ADAMTSL5: variants seen among roughly 807,000 people sequenced by gnomAD.
ADAMTSL5 encodes ADAMTS-like protein 5.
A neutral mutation model predicts 51.7 loss-of-function variants in ADAMTSL5; 53 were observed. That is an observed-to-expected ratio of 1.03 (90% CI 0.82 to 1.29). The LOEUF (loss-of-function observed/expected upper bound fraction) is 1.29, where lower values mean the gene tolerates loss of function less well. ADAMTSL5 is among the 50% of genes most tolerant of loss of function. The pLI, the probability that ADAMTSL5 is intolerant of heterozygous loss-of-function variation, is 0.00. For synonymous variants in ADAMTSL5, 285 were observed against 278.7 expected (o/e 1.02, Z -0.23); for missense variants, 770 against 676.2 (o/e 1.14, Z -1.54).
rs747542562 is a variant in ADAMTSL5, at chr19:1,508,057, C to T, written c.542G>A (p.Gly181Asp). 8 of 1,610,554 alleles carry T rather than the reference C, an allele frequency of 5.0e-6. No homozygotes were observed. The South Asian group carries it at 7.7e-5, about 16-fold the overall frequency. ...LGSGALEDRC[G>D]RCGGANDSCL... ...CGAGTCGTTGGCGCCTCCGCAGCGG[C>T]CACAGCGGTCCTCGAGGGCACCCGA... The change falls in exon 7 of 12, where the codon GGC becomes GAC. Residue 181 changes from glycine (G) to aspartate (D), a missense_variant. Gly to Asp is a moderately conservative substitution (Grantham distance 94). Coordinates refer to ENST00000330475, the MANE Select transcript of ADAMTSL5 (RefSeq NM_213604.3).
At chr19:1,508,998 A>G (rs1397932562) in intron 5 of ADAMTSL5, 1 of 153,308 alleles carries the variant, frequency 6.5e-6, no homozygotes, top group African/African-American at 2.4e-5. Flanking sequence ...TAATCCCAGC[A>G]CATTGGGAGG....
intron 1 of ADAMTSL5, among the ~76,000 whole-genome samples, chr19:1,512,570 C>T (rs1011101065): frequency 5.3e-5 from 8 of 152,202 alleles, no homozygotes; most frequent in African/African-American, 1.4e-4. Context: ...ATCCCAGCTA[C>T]TTGGGAGGCT....
intron 5 of ADAMTSL5, among the ~76,000 whole-genome samples, chr19:1,509,883 G>A (rs895809473): frequency 1.3e-5 from 2 of 152,150 alleles, no homozygotes; most frequent in Non-Finnish European, 2.9e-5. Context: ...CTGCTACTGG[G>A]ATAAGTTTGA....
intron 3 of ADAMTSL5, 95 bp from the exon 4 acceptor site, chr19:1,510,523 G>A: frequency 6.6e-7 from 1 of 1,504,752 alleles, no homozygotes; most frequent in South Asian, 1.3e-5. Context: ...CCGCATTCCA[G>A]CGGGATCAGG....
Position 1,511,131 on chromosome 19 carries a change from G to T in ADAMTSL5, c.-188C>A, listed in dbSNP as rs977392046. On this transcript the variant is annotated 5_prime_UTR_variant, in exon 2 of 12. Coordinates refer to ENST00000330475, the MANE Select transcript of ADAMTSL5 (RefSeq NM_213604.3). The stretch of plus-strand genomic sequence containing the variant: ...AAAGAAGACAGGAGACGTGGAGCCC[G>T]GTATGGAGAGGAAGAACTCAGAATG... 1 of 413,996 alleles carries T rather than the reference G, an allele frequency of 2.4e-6. No individual in the cohort carries two copies. The highest frequency in any genetic ancestry group is 2.1e-5 in the African/African-American group (1 of 48,708). The allele number at this position is 413,996 out of a possible 1,614,324, so 25.6% of individuals were successfully genotyped here. A position where few individuals can be genotyped will look rare whatever the true frequency, so the allele number is the denominator to read the frequency against.
At chr19:1,508,197 G>A in intron 6 of ADAMTSL5, 88 bp from the exon 7 acceptor site, 2 of 1,414,284 alleles carry the variant, frequency 1.4e-6, no homozygotes, top group South Asian at 1.3e-5. Context: ...AAGAGGACGA[G>A]GCCTGGAGGG....
rs1317084842 is a variant in ADAMTSL5, at chr19:1,506,778, G to C, written c.1003C>G (p.Pro335Ala). 9.1e-6 allele frequency: 14 copies of C among 1,542,936 alleles called. No homozygotes were observed. Among genetic ancestry groups the C allele is most frequent in the Admixed American group, 6.4e-5 (3 of 47,008 alleles). ...GGGGTCTGTGCAGGGGTGACAGCAG[G>C]GGCTGCGGGGGGCTGAGGCTCCACC... ...RGVEPQPPAA[P>A]AVTPAQTPTL... Residue 335 changes from proline (P) to alanine (A), a missense_variant, in exon 10 of 12, where the codon CCT becomes GCT. Physicochemically the swap from Pro to Ala is conservative, Grantham distance 27. Transcript: ENST00000330475. The surrounding 1 kb of genome is among the most constrained non-coding windows in gnomAD (Gnocchi z 5.6).
chr19:1,506,387 A>G lies in ADAMTSL5; in HGVS notation c.1115-71T>C. 6.6e-7 allele frequency: 1 copy of G among 1,513,518 alleles called. No individual in the cohort carries two copies. Among genetic ancestry groups the G allele is most frequent in the African/African-American group, 1.4e-5 (1 of 72,336 alleles). The allele number at this position is 1,513,518 out of a possible 1,614,324, so 93.8% of individuals were successfully genotyped here. ...AAATCTCTACGCCCCCTCCCTTGCC[A>G]GAAGAGGGACTGAGGGTCAGGTGGG... is the stretch of plus-strand genomic sequence containing the variant. On this transcript the variant is annotated intron_variant, in intron 11 of 11. Coordinates refer to ENST00000330475, the MANE Select transcript of ADAMTSL5 (RefSeq NM_213604.3). The surrounding 1 kb of genome is among the most constrained non-coding windows in gnomAD (Gnocchi z 5.6).
intron 5 of ADAMTSL5, 87 bp downstream of exon 5, chr19:1,510,063 C>T (rs530746716): frequency 2.7e-6 from 3 of 1,115,172 alleles, no homozygotes; most frequent in Non-Finnish European, 3.8e-6. Flanking sequence ...ACCCTCTTCT[C>T]TTTGCAACCC....
rs376264250 is a variant in ADAMTSL5, at chr19:1,506,359, C to T, written c.1115-43G>A. The T allele has an allele frequency of 8.5e-5, 131 of 1,538,244 alleles. No individual in the cohort carries two copies. The highest frequency in any genetic ancestry group is 1.0e-4 in the Non-Finnish European group (117 of 1,141,778). ...TAAGCTGGCTGGCTGCTCAACTCTGCGCAAATCTCTACGCCCCCTCCCTTG... is the reference window on the plus strand; with the variant it reads ...TAAGCTGGCTGGCTGCTCAACTCTGTGCAAATCTCTACGCCCCCTCCCTTG... On this transcript the variant is annotated intron_variant, in intron 11 of 11. Transcript: ENST00000330475. The surrounding 1 kb of genome is among the most constrained non-coding windows in gnomAD (Gnocchi z 5.6).
In ADAMTSL5 at chr19:1,510,021, T is replaced by C. The variant is rs1913174013; in HGVS notation, c.361+129A>G. 3 of 726,438 alleles carry C rather than the reference T, an allele frequency of 4.1e-6. No individual in the cohort carries two copies. In the East Asian group the frequency reaches 8.3e-5, roughly 20 times the overall value. 45.0% of individuals were successfully genotyped at this position (726,438 alleles called of 1,614,324 possible). A position where few individuals can be genotyped will look rare whatever the true frequency, so the allele number is the denominator to read the frequency against. ...CATATGCTGTTTCTGTTTCACTAAC[T>C]CCTACATATCCTTCAAAGCCCTAGC... On this transcript the variant is annotated intron_variant, in intron 5 of 11. Coordinates refer to ENST00000330475, the MANE Select transcript of ADAMTSL5 (RefSeq NM_213604.3).
At position 1,510,722 on chromosome 19, in the gene ADAMTSL5, GC is replaced by G; in HGVS notation, c.107del (p.Gly36AlafsTer174). On this transcript the variant is annotated frameshift_variant, in exon 3 of 12. Coordinates refer to ENST00000330475, the MANE Select transcript of ADAMTSL5 (RefSeq NM_213604.3). LOFTEE classifies it high-confidence loss of function. ...TCCAGGACACCCACGGGGTCCACTCGCCCGGACCCTACTTGGGGAGACAGAG... is the reference window on the plus strand; with the variant it reads ...TCCAGGACACCCACGGGGTCCACTCGCCGGACCCTACTTGGGGAGACAGAG... ...CGLGVSAQGP[G>X]EWTPWVSWTR... The G allele has an allele frequency of 6.5e-7, 1 of 1,537,752 alleles. No homozygotes were observed. The highest frequency in any genetic ancestry group is 8.8e-7 in the Non-Finnish European group (1 of 1,139,758).
At position 1,508,460 on chromosome 19, in the gene ADAMTSL5, C is replaced by T. The variant is rs1366476219; in HGVS notation, c.472G>A (p.Val158Met). 5 of 1,568,962 alleles carry T rather than the reference C, an allele frequency of 3.2e-6. No homozygotes were observed. The highest frequency in any genetic ancestry group is 4.3e-6 in the Non-Finnish European group (5 of 1,163,840). The part of the protein sequence containing the change: ...ACSPGAQGVC[V>M]AGRCLSAGCD... ...GTCCTTACAAGGCAGCGGCCAGCCACGCAGACCCCCTGGGCACCCGGGCTG... is the reference window on the plus strand; with the variant it reads ...GTCCTTACAAGGCAGCGGCCAGCCATGCAGACCCCCTGGGCACCCGGGCTG... The change falls in exon 6 of 12, where the codon GTG (valine) becomes ATG (methionine). Residue 158 changes from valine (V) to methionine (M), a missense_variant. Coordinates refer to ENST00000330475, the MANE Select transcript of ADAMTSL5 (RefSeq NM_213604.3).
At chr19:1,508,195 G>A (rs936732566) in intron 6 of ADAMTSL5, 86 bp from the exon 7 acceptor site, 6 of 1,407,834 alleles carry the variant, frequency 4.3e-6, no homozygotes, top group Middle Eastern at 2.4e-4. Context: ...GCAAGAGGAC[G>A]AGGCCTGGAG....
intron 9 of ADAMTSL5, 107 bp from the exon 10 acceptor site, chr19:1,507,035 C>T: frequency 7.4e-7 from 1 of 1,346,162 alleles, no homozygotes; most frequent in Non-Finnish European, 1.0e-6. Context: ...CTGCCCCCAG[C>T]CTCCCTCCTC....
At chr19:1,510,309 G>A in intron 4 of ADAMTSL5, 51 bp from the exon 5 acceptor site, 2 of 1,613,112 alleles carry the variant, frequency 1.2e-6, no homozygotes, top group Non-Finnish European at 1.7e-6. Context: ...CAAGGGGCAG[G>A]TGGTGGGCTT....
Position 1,507,982 on chromosome 19 carries a change from C to G in ADAMTSL5, c.601+16G>C, listed in dbSNP as rs1462024766. ...CACTCTGACGTGTGTGCAGGGAGGG[C>G]GGGGCAGGTAGTCACCGGCGTCACG... On this transcript the variant is annotated intron_variant, in intron 7 of 11. Transcript: ENST00000330475. 2.5e-6 allele frequency: 4 copies of G among 1,574,014 alleles called. No homozygotes were observed. The highest frequency in any genetic ancestry group is 3.4e-6 in the Non-Finnish European group (4 of 1,159,908).
At chr19:1,507,190 C>A in intron 9 of ADAMTSL5, 52 bp downstream of exon 9, 2 of 1,513,350 alleles carry the variant, frequency 1.3e-6, no homozygotes, top group Non-Finnish European at 8.8e-7. Context: ...CCCAGCCTCT[C>A]CCCTCTGTCC....
chr19:1,508,029 G>C lies in ADAMTSL5; in HGVS notation c.570C>G (p.Cys190Trp), dbSNP rs371277200. ...CACGAAACACGCGCTGCACGAAAAG[G>C]CACGAGTCGTTGGCGCCTCCGCAGC... ...CGRCGGANDS[C>W]LFVQRVFRDA... Residue 190 changes from cysteine (C) to tryptophan (W), a missense_variant, in exon 7 of 12, where the codon TGC becomes TGG. Coordinates refer to ENST00000330475, the MANE Select transcript of ADAMTSL5 (RefSeq NM_213604.3). 3.1e-6 allele frequency: 5 copies of C among 1,607,178 alleles called. No homozygotes were observed. The East Asian group carries it at 9.0e-5, about 29-fold the overall frequency.
Sources: gnomAD v4.1 joint callset for allele counts (sites outside exome capture counted in the v4.1 genomes callset) on GRCh38, gnomAD v4.1.1 for gene constraint, Gnocchi (gnomAD v3.1) non-coding constraint, MANE v1.5 for transcripts, NCBI Gene and HGNC (gene_info 2026-07-23, HGNC 2026-07-21) for gene names.